GABRG3: variants seen among roughly 807,000 people sequenced by gnomAD.
The protein encoded by GABRG3 is gamma-aminobutyric acid receptor subunit gamma-3.
In GABRG3, 25 loss-of-function variants were observed where a neutral mutation model predicts 48.8. The ratio of observed to expected loss-of-function variants is 0.51; its 90% CI spans 0.37 to 0.72. GABRG3 has a LOEUF of 0.72. Ranked by LOEUF, GABRG3 falls within the 30% of genes least tolerant of loss-of-function variation. The pLI, the probability that GABRG3 is intolerant of heterozygous loss-of-function variation, is 0.00. For synonymous variants in GABRG3, 227 were observed against 217.6 expected, an observed-to-expected ratio of 1.04 and a Z score of -0.38; for missense variants, 394 against 577.9, an observed-to-expected ratio of 0.68 and a Z score of 3.26.
At chr15:27,067,077 A>C (rs772824024) in intron 3 of GABRG3, among the ~76,000 whole-genome samples, 8 of 152,224 alleles carry the variant, frequency 5.3e-5, no homozygotes, top group Non-Finnish European at 1.0e-4. Flanking sequence ...GCACACATGA[A>C]AACATAGCAC....
In GABRG3 at chr15:27,306,322, C is replaced by G. The variant is rs997391163; in HGVS notation, c.271-20487C>G. On this transcript the variant is annotated intron_variant, in intron 3 of 9. Coordinates refer to ENST00000615808, the MANE Select transcript of GABRG3 (RefSeq NM_033223.5). ...AAACATATATATAATATAAACATGT[C>G]TATATATAAACATAAAATATAAACA... Among the ~76,000 whole-genome samples the G allele has an allele frequency of 1.4e-4, 18 of 128,728 alleles. 1 individual carries two copies. The highest frequency in any genetic ancestry group is 5.9e-4 in the African/African-American group (18 of 30,548). 84.5% of individuals were successfully genotyped at this position (128,728 alleles called of 152,430 possible). A position where few individuals can be genotyped will look rare whatever the true frequency, so the allele number is the denominator to read the frequency against.
intron 3 of GABRG3, among the ~76,000 whole-genome samples, chr15:27,090,916 T>C (rs975593024): frequency 2.0e-5 from 3 of 152,256 alleles, no homozygotes; most frequent in Admixed American, 6.5e-5. Flanking sequence ...TGTGTTCTTA[T>C]ATTTTATACA....
intron 3 of GABRG3, among the ~76,000 whole-genome samples, chr15:27,235,215 A>G (rs769517196): frequency 6.6e-6 from 1 of 152,016 alleles, no homozygotes; most frequent in Non-Finnish European, 1.5e-5. Context: ...GAAATAAAAC[A>G]TAATGTCCGC....
chr15:27,077,358 G>T (rs1428523121), intron 3 of GABRG3, among the ~76,000 whole-genome samples: 1 of 152,124 alleles, frequency 6.6e-6, no homozygotes, highest in Non-Finnish European at 1.5e-5. Context: ...TGCACCCAGG[G>T]TTTGTGGAGC....
At chr15:27,322,496 GTTC>G (rs1262703023) in intron 3 of GABRG3, among the ~76,000 whole-genome samples, 2 of 152,144 alleles carry the variant, frequency 1.3e-5, no homozygotes, top group Admixed American at 1.3e-4. Context: ...ATCCCATCAT[GTTC>G]TTCTTGCAAA....
At chr15:27,216,780 T>TTTTTAAA (rs1566968528) in intron 3 of GABRG3, among the ~76,000 whole-genome samples, 1 of 48,534 alleles carries the variant, frequency 2.1e-5, no homozygotes, top group East Asian at 1.5e-3. Context: ...ATTTTTTAAT[T>TTTTTAAA]TTTTTTTTTA....
At position 27,448,380 on chromosome 15, in the gene GABRG3, A is replaced by G. The variant is rs959458896; in HGVS notation, c.575-32270A>G. Reference sequence around the variant, plus strand: ...TTTCCCAGGAAGTAGAAGACATGGCATGGAAGAATACAAGGAGGAATCACG... The same window carrying G: ...TTTCCCAGGAAGTAGAAGACATGGCGTGGAAGAATACAAGGAGGAATCACG... On this transcript the variant is annotated intron_variant, in intron 5 of 9. Transcript: ENST00000615808. 2.0e-5 allele frequency among the ~76,000 whole-genome samples: 3 copies of G among 152,340 alleles called. No individual in the cohort carries two copies. The South Asian group carries it at 6.2e-4, about 32-fold the overall frequency.
chr15:27,187,700 T>C (rs1888142176), intron 3 of GABRG3, among the ~76,000 whole-genome samples: 1 of 152,110 alleles, frequency 6.6e-6, no homozygotes, highest in Non-Finnish European at 1.5e-5. Flanking sequence ...TTGATTTGGC[T>C]CTCAGCTTCA....
intron 3 of GABRG3, among the ~76,000 whole-genome samples, chr15:27,297,587 C>CTTATA (rs1555368870): frequency 1.3e-5 from 2 of 151,710 alleles, no homozygotes; most frequent in Admixed American, 6.6e-5. Context: ...GAGCAACAGG[C>CTTATA]TATACCACAT....
intron 3 of GABRG3, among the ~76,000 whole-genome samples, chr15:27,076,264 C>T (rs913067814): frequency 2.0e-5 from 3 of 151,676 alleles, no homozygotes; most frequent in Non-Finnish European, 4.4e-5. Context: ...CTGGAAGCTG[C>T]AGCAGCTGAC....
intron 2 of GABRG3, among the ~76,000 whole-genome samples, chr15:27,013,933 G>A (rs1235693349): frequency 2.6e-5 from 4 of 152,084 alleles, no homozygotes; most frequent in African/African-American, 9.7e-5. Context: ...TATAGAATCT[G>A]TAGATTGCTT....
intron 6 of GABRG3, among the ~76,000 whole-genome samples, chr15:27,486,561 G>T (rs1174138971): frequency 6.6e-6 from 1 of 152,150 alleles, no homozygotes; most frequent in African/African-American, 2.4e-5. Context: ...CACTGGGAGG[G>T]AGGGAGCACA....
intron 2 of GABRG3, among the ~76,000 whole-genome samples, chr15:26,999,063 C>T (rs1427496863): frequency 6.6e-6 from 1 of 150,576 alleles, no homozygotes; most frequent in Non-Finnish European, 1.5e-5. Flanking sequence ...TTTGACCTGT[C>T]AGTTGGCCCT....
rs562750594 is a variant in GABRG3, at chr15:27,313,945, T to C, written c.271-12864T>C. Among the ~76,000 whole-genome samples the C allele has an allele frequency of 4.0e-4, 61 of 150,716 alleles. 1 individual carries two copies. In the South Asian group the frequency reaches 0.013, roughly 31 times the overall value. ...AAGAATAACAAACTAGGCCCAAAAC[T>C]AGTAGAAGGAAGGAAATAAAGATTA... is the stretch of plus-strand genomic sequence containing the variant. On this transcript the variant is annotated intron_variant, in intron 3 of 9. Transcript: ENST00000615808.
At chr15:27,188,356 G>A in intron 3 of GABRG3, among the ~76,000 whole-genome samples, 1 of 152,268 alleles carries the variant, frequency 6.6e-6, no homozygotes, top group South Asian at 2.1e-4. Flanking sequence ...AGTGTAAAAT[G>A]TTCCTATTTC....
chr15:27,200,395 T>C (rs185942930), intron 3 of GABRG3, among the ~76,000 whole-genome samples: 3 of 152,320 alleles, frequency 2.0e-5, no homozygotes, highest in Admixed American at 6.5e-5. Context: ...TTGGGAGTTT[T>C]ACATGAAGTA....
At chr15:27,018,011 C>T (rs1895810898) in intron 2 of GABRG3, among the ~76,000 whole-genome samples, 1 of 152,186 alleles carries the variant, frequency 6.6e-6, no homozygotes. Flanking sequence ...CTGGTCAGTG[C>T]AGTTCTGCAT....
At chr15:27,022,335 C>A (rs188075242) in intron 2 of GABRG3, among the ~76,000 whole-genome samples, 15 of 152,200 alleles carry the variant, frequency 9.9e-5, no homozygotes, top group South Asian at 2.1e-4. Context: ...AGGAATTAAC[C>A]CCATTTTAGA....
chr15:27,033,713 G>T (rs1896127848), intron 3 of GABRG3, among the ~76,000 whole-genome samples: 2 of 152,042 alleles, frequency 1.3e-5, no homozygotes, highest in South Asian at 2.1e-4. Flanking sequence ...CTTATATGTG[G>T]TTTTAATATT....
Sources: allele counts gnomAD v4.1 joint callset (sites outside exome capture counted in the v4.1 genomes callset), GRCh38; gene constraint gnomAD v4.1.1; transcripts MANE v1.5; gene names NCBI Gene and HGNC (gene_info 2026-07-23, HGNC 2026-07-21).